Variants in TAS1R1 observed in about 807,000 individuals in gnomAD.
TAS1R1 encodes taste 1 receptor member 1, also known as taste receptor type 1 member 1.
Under a neutral mutation model 45.8 loss-of-function variants are expected in TAS1R1, and 31 were observed. The ratio of observed to expected loss-of-function variants is 0.68; its 90% CI spans 0.51 to 0.91. The LOEUF (loss-of-function observed/expected upper bound fraction) is 0.91. TAS1R1 is among the 40% of genes least tolerant of loss of function. The pLI is 0.00. For synonymous variants in TAS1R1, 437 were observed against 448.4 expected, an observed-to-expected ratio of 0.97 and a Z score of 0.32; for missense variants, 1,051 against 1,063.9, an observed-to-expected ratio of 0.99 and a Z score of 0.17.
chr1:6,569,741 G>A (rs1044942332), intron 1 of TAS1R1, among the ~76,000 whole-genome samples: 2 of 152,128 alleles, frequency 1.3e-5, no homozygotes, highest in African/African-American at 4.8e-5. Context: ...TCCCTGAAAT[G>A]GAGGAACCGG....
intron 1 of TAS1R1, among the ~76,000 whole-genome samples, chr1:6,559,932 A>G (rs1305071212): frequency 8.9e-5 from 13 of 146,142 alleles, no homozygotes; most frequent in Admixed American, 6.1e-4. Flanking sequence ...GGAGGTTGCA[A>G]TGAGCCGAGA....
rs1640097395 is a variant in TAS1R1 at position 6,574,281 on chromosome 1, G to A, written c.499-350G>A. 6.6e-6 allele frequency among the ~76,000 whole-genome samples: 1 copy of A among 152,104 alleles called. No individual in the cohort carries two copies. Among genetic ancestry groups the A allele is most frequent in the Non-Finnish European group, 1.5e-5 (1 of 68,022 alleles). Reference sequence around the variant, plus strand: ...TCCTGTGAGGCCCGGTTCCTAACAGGCCACTGACCTAACTTCTGCCCTGAC... The same window carrying A: ...TCCTGTGAGGCCCGGTTCCTAACAGACCACTGACCTAACTTCTGCCCTGAC... On this transcript the variant is annotated intron_variant, in intron 2 of 5. Transcript: ENST00000333172. The surrounding 1 kb of genome is among the most constrained non-coding windows in gnomAD (Gnocchi z 4.3).
At position 6,575,160 on chromosome 1, in the gene TAS1R1, G is replaced by C. The variant is rs1374921534; in HGVS notation, c.1028G>C (p.Arg343Pro). The change falls in exon 3 of 6, where the codon CGG becomes CCG. Residue 343 changes from arginine (R) to proline (P), a missense_variant. Physicochemically the swap from Arg to Pro is moderately radical, Grantham distance 103. Transcript: ENST00000333172. ...AAGGCGTTTGAAGAAGCCTATGCCCGGGCAGACAAGAAGGCCCCTAGGCCT... is the reference window on the plus strand; with the variant it reads ...AAGGCGTTTGAAGAAGCCTATGCCCCGGCAGACAAGAAGGCCCCTAGGCCT... ...GLKAFEEAYA[R>P]ADKKAPRPCH... 6 of 1,594,106 alleles carry C rather than the reference G, an allele frequency of 3.8e-6. No homozygotes were observed. In the Admixed American group the frequency reaches 7.1e-5, roughly 19 times the overall value.
At chr1:6,565,532 G>T (rs1490783116) in intron 1 of TAS1R1, among the ~76,000 whole-genome samples, 1 of 152,150 alleles carries the variant, frequency 6.6e-6, no homozygotes, top group Non-Finnish European at 1.5e-5. Flanking sequence ...CTATTCCATG[G>T]TTCTCAGCTG....
chr1:6,575,636 G>A (rs61782506), intron 3 of TAS1R1, among the ~76,000 whole-genome samples: 10,284 of 151,646 alleles, frequency 0.068, 514 homozygotes, highest in Non-Finnish European at 0.11. Flanking sequence ...CTCTTGCCTC[G>A]GCCTCCTGAG....
At chr1:6,556,276 G>C (rs537397493) in intron 1 of TAS1R1, among the ~76,000 whole-genome samples, 1 of 152,248 alleles carries the variant, frequency 6.6e-6, no homozygotes, top group South Asian at 2.1e-4. Context: ...GGGTGGGAAG[G>C]GAAGACACAT....
chr1:6,559,290 A>G (rs1460958316), intron 1 of TAS1R1, among the ~76,000 whole-genome samples: 1 of 151,536 alleles, frequency 6.6e-6, no homozygotes, highest in Non-Finnish European at 1.5e-5. Context: ...TCAGCCTCCC[A>G]AAGTGCTGGG....
Position 6,574,730 on chromosome 1 carries a change from G to GTGC in TAS1R1, c.608_610dup (p.Leu203dup), listed in dbSNP as rs780096197. 4 of 1,614,250 alleles carry GTGC rather than the reference G, an allele frequency of 2.5e-6. No individual in the cohort carries two copies. The highest frequency in any genetic ancestry group is 3.4e-6 in the Non-Finnish European group (4 of 1,180,042). On this transcript the variant is annotated inframe_insertion, in exon 3 of 6. Transcript: ENST00000333172. This position sits in a 1 kb window ranked among gnomAD's most constrained non-coding sequence, Gnocchi z 4.3. The stretch of plus-strand genomic sequence containing the variant: ...TGACAAGTACCAGGTGGAGACCATG[G>GTGC]TGCTGCTGCTGCAGAAGTTCGGGTG...
intron 1 of TAS1R1, among the ~76,000 whole-genome samples, chr1:6,556,385 T>TTCTATCTA (rs35268740): frequency 0.046 from 6,923 of 150,170 alleles, 269 homozygotes; most frequent in African/African-American, 0.094. Context: ...TTTCTTTTAT[T>TTCTATCTA]TCTATCTATC....
intron 5 of TAS1R1, 73 bp downstream of exon 5, chr1:6,577,143 G>T: frequency 6.3e-7 from 1 of 1,592,992 alleles, no homozygotes; most frequent in East Asian, 2.3e-5. Flanking sequence ...GGCCTCCCTT[G>T]GGCCCCATGT....
Position 6,579,072 on chromosome 1 carries a change from G to C in TAS1R1, c.2014G>C (p.Ala672Pro). 1 of 1,613,442 alleles carries C rather than the reference G, an allele frequency of 6.2e-7. No homozygotes were observed. Among genetic ancestry groups the C allele is most frequent in the Non-Finnish European group, 8.5e-7 (1 of 1,179,596 alleles). The change falls in exon 6 of 6, where the codon GCC becomes CCC. Residue 672 changes from alanine to proline, a missense_variant. Physicochemically the swap from Ala to Pro is conservative, Grantham distance 27. Transcript: ENST00000333172. ...CACCAAGGTACCTACATTCTACCAC[G>C]CCTGGGTCCAAAACCACGGTGCTGG... ...FSTKVPTFYH[A>P]WVQNHGAGLF...
At chr1:6,560,812 C>T (rs907723617) in intron 1 of TAS1R1, among the ~76,000 whole-genome samples, 2 of 151,930 alleles carry the variant, frequency 1.3e-5, no homozygotes, top group East Asian at 3.9e-4. Flanking sequence ...GAAACCCCGT[C>T]TCTACAAAAA....
chr1:6,579,327 AAC>A lies in TAS1R1; in HGVS notation c.2270_2271del (p.Asn757ArgfsTer54), dbSNP rs767134298. The A allele has an allele frequency of 1.9e-6, 3 of 1,614,018 alleles. No homozygotes were observed. The African/African-American group carries it at 4.0e-5, about 22-fold the overall frequency. ...GGGTAAGGACTTGCCAGAGAACTAC[AAC>A]GAGGCCAAATGTGTCACCTTCAGCC... ...YLGKDLPENYNEAKCVTFSLL... is the reference protein window; with the variant it reads ...YLGKDLPENYXEAKCVTFSLL... On this transcript the variant is annotated frameshift_variant, in exon 6 of 6. Coordinates refer to ENST00000333172, the MANE Select transcript of TAS1R1 (RefSeq NM_138697.4). LOFTEE classifies it low-confidence loss of function (END_TRUNC).
At chr1:6,557,147 AG>A (rs1639701108) in intron 1 of TAS1R1, among the ~76,000 whole-genome samples, 1 of 151,568 alleles carries the variant, frequency 6.6e-6, no homozygotes, top group African/African-American at 2.4e-5. Context: ...TGGCTCAGGA[AG>A]AAGTTTCTGG....
At chr1:6,557,418 G>A (rs1639705101) in intron 1 of TAS1R1, among the ~76,000 whole-genome samples, 1 of 152,080 alleles carries the variant, frequency 6.6e-6, no homozygotes, top group South Asian at 2.1e-4. Context: ...CACACTTTAT[G>A]TATTTGTTTG....
intron 1 of TAS1R1, among the ~76,000 whole-genome samples, chr1:6,564,723 G>A (rs1246731286): frequency 6.6e-6 from 1 of 152,176 alleles, no homozygotes; most frequent in Non-Finnish European, 1.5e-5. Context: ...ATCAAATCTA[G>A]GGATGATATC....
Position 6,575,039 on chromosome 1 carries a change from T to C in TAS1R1, c.907T>C (p.Trp303Arg), listed in dbSNP as rs1451669757. 1 of 1,586,442 alleles carries C rather than the reference T, an allele frequency of 6.3e-7. No individual in the cohort carries two copies. The highest frequency in any genetic ancestry group is 8.6e-7 in the Non-Finnish European group (1 of 1,164,780). Residue 303 changes from tryptophan (W) to arginine (R), a missense_variant, in exon 3 of 6, where the codon TGG becomes CGG. Physicochemically the swap from Trp to Arg is moderately radical, Grantham distance 101. Coordinates refer to ENST00000333172, the MANE Select transcript of TAS1R1 (RefSeq NM_138697.4). Reference protein sequence around the residue: ...TGKVWVASEAWALSRHITGVP... With the variant: ...TGKVWVASEARALSRHITGVP... ...CAAGGTGTGGGTCGCCTCAGAAGCC[T>C]GGGCCCTCTCCAGGCACATCACTGG...
At chr1:6,576,082 G>A (rs1242278588) in intron 3 of TAS1R1, among the ~76,000 whole-genome samples, 4 of 152,078 alleles carry the variant, frequency 2.6e-5, no homozygotes, top group African/African-American at 7.2e-5. Context: ...CTCCTGCTTC[G>A]GCCTCCCAAA....
chr1:6,556,719 A>G (rs903215568), intron 1 of TAS1R1, among the ~76,000 whole-genome samples: 5 of 151,918 alleles, frequency 3.3e-5, no homozygotes, highest in African/African-American at 1.2e-4. Flanking sequence ...CTTTTAAAGA[A>G]GACAGTTGCA....
Sources: gnomAD v4.1 joint callset for allele counts (sites outside exome capture counted in the v4.1 genomes callset) on GRCh38, gnomAD v4.1.1 for gene constraint, Gnocchi (gnomAD v3.1) non-coding constraint, MANE v1.5 for transcripts, NCBI Gene and HGNC (gene_info 2026-07-23, HGNC 2026-07-21) for gene names.